POGLUT3: variants seen among roughly 807,000 people sequenced by gnomAD.
POGLUT3 encodes the protein protein O-glucosyltransferase 3, also known as KDEL (Lys-Asp-Glu-Leu) containing 2.
A neutral mutation model predicts 54.3 loss-of-function variants in POGLUT3; 48 were observed. That is an observed-to-expected ratio of 0.88 (90% CI 0.70 to 1.12). The LOEUF (loss-of-function observed/expected upper bound fraction) is 1.12, where lower values mean the gene tolerates loss of function less well. POGLUT3 is among the 50% of genes most tolerant of loss of function. POGLUT3 has a pLI of 0.00. For missense variants in POGLUT3, 629 were observed against 618.7 expected (o/e 1.02, Z -0.18); for synonymous variants, 218 against 237.4 (o/e 0.92, Z 0.75).
chr11:108,491,358 T>C, intron 1 of POGLUT3, 191 bp from the exon 2 acceptor site: 1 of 613,878 alleles, frequency 1.6e-6, no homozygotes, highest in Non-Finnish European at 2.8e-6. Flanking sequence ...TCTTTTTTTT[T>C]TTTTTTTCTT....
rs1199002428 is a variant in POGLUT3 at position 108,498,368 on chromosome 11, G to A, written c.-2C>T. 1 of 1,308,316 alleles carries A rather than the reference G, an allele frequency of 7.6e-7. No homozygotes were observed. Among genetic ancestry groups the A allele is most frequent in the Non-Finnish European group, 9.7e-7 (1 of 1,032,104 alleles). The allele number at this position is 1,308,316 out of a possible 1,614,324, so 81.0% of individuals were successfully genotyped here. On this transcript the variant is annotated 5_prime_UTR_variant, in exon 1 of 8. Transcript: ENST00000323468. ...CAGGGCCCGCGGGAGGCGGCGCATG[G>A]TCGGCGGGGCACAACTGCGGTCCAG...
At chr11:108,489,557 T>C (rs1040622166) in intron 2 of POGLUT3, among the ~76,000 whole-genome samples, 7 of 152,254 alleles carry the variant, frequency 4.6e-5, no homozygotes, top group African/African-American at 1.7e-4. Context: ...TGGAACCACA[T>C]CTTTAAAGTA....
Position 108,490,965 on chromosome 11 carries a change from C to T in POGLUT3, c.400+5G>A. On this transcript the variant is annotated splice_donor_5th_base_variant and intron_variant, in intron 2 of 7. Coordinates refer to ENST00000323468, the MANE Select transcript of POGLUT3 (RefSeq NM_153705.5). Reference sequence around the variant, plus strand: ...CTGACTCTGGAGTATATAATAATCACTTACCTTTCAAAATATAGGGAGACT... The same window carrying T: ...CTGACTCTGGAGTATATAATAATCATTTACCTTTCAAAATATAGGGAGACT... The T allele has an allele frequency of 1.2e-6, 2 of 1,611,570 alleles. No homozygotes were observed. Among genetic ancestry groups the T allele is most frequent in the Non-Finnish European group, 1.7e-6 (2 of 1,177,784 alleles).
chr11:108,493,730 GGA>G (rs10556296), intron 1 of POGLUT3, among the ~76,000 whole-genome samples: 7,760 of 150,940 alleles, frequency 0.051, 649 homozygotes, highest in African/African-American at 0.17. Context: ...CTTGAACCCA[GGA>G]GGCGGAGGTT....
chr11:108,483,560 G>C (rs921192436), intron 3 of POGLUT3, among the ~76,000 whole-genome samples: 3 of 152,116 alleles, frequency 2.0e-5, no homozygotes, highest in African/African-American at 4.8e-5. Context: ...CAGAGACTAG[G>C]ACTGAGTCTC....
At chr11:108,490,298 A>C (rs909482499) in intron 2 of POGLUT3, among the ~76,000 whole-genome samples, 5 of 151,488 alleles carry the variant, frequency 3.3e-5, no homozygotes, top group Non-Finnish European at 7.4e-5. Flanking sequence ...CCCGGGTTCA[A>C]GCGATTCTCC....
At position 108,498,230 on chromosome 11, in the gene POGLUT3, G is replaced by C. The variant is rs1339503044; in HGVS notation, c.137C>G (p.Pro46Arg). The change falls in exon 1 of 8, where the codon CCG becomes CGG. Residue 46 changes from proline (P) to arginine (R), a missense_variant. Transcript: ENST00000323468. ...CGCCTGCAGGTAGAAATAGCGGACC[G>C]GCAGGACGACGGCCGCCTGCAGCCC... ...GPGLQAAVVLPVRYFYLQAVN... is the reference protein window; with the variant it reads ...GPGLQAAVVLRVRYFYLQAVN... The C allele has an allele frequency of 2.6e-6, 4 of 1,514,844 alleles. No homozygotes were observed. Among genetic ancestry groups the C allele is most frequent in the Middle Eastern group, 1.7e-4 (1 of 5,774 alleles). The allele number at this position is 1,514,844 out of a possible 1,614,324, so 93.8% of individuals were successfully genotyped here.
intron 1 of POGLUT3, 59 bp from the exon 2 acceptor site, chr11:108,491,226 T>C: frequency 1.5e-6 from 2 of 1,348,434 alleles, no homozygotes; most frequent in Non-Finnish European, 2.1e-6. Flanking sequence ...TTACAATTAT[T>C]GGATAGGTGT....
At chr11:108,485,552 TA>T (rs1252290006) in intron 3 of POGLUT3, among the ~76,000 whole-genome samples, 27 of 152,192 alleles carry the variant, frequency 1.8e-4, no homozygotes, top group African/African-American at 6.3e-4. Context: ...AACCTTGTTA[TA>T]AATCTCTGGA....
chr11:108,481,031 G>A (rs2093591265), intron 5 of POGLUT3, 149 bp downstream of exon 5: 1 of 632,872 alleles, frequency 1.6e-6, no homozygotes. Context: ...ACCACAATGG[G>A]TTTTGTAATT....
chr11:108,474,635 C>CTGAA lies in POGLUT3; in HGVS notation c.*188_*191dup. 2.2e-6 allele frequency: 1 copy of CTGAA among 445,366 alleles called. No homozygotes were observed. The highest frequency in any genetic ancestry group is 2.0e-5 in the African/African-American group (1 of 49,556). 27.6% of individuals were successfully genotyped at this position (445,366 alleles called of 1,614,324 possible). On this transcript the variant is annotated 3_prime_UTR_variant, in exon 8 of 8. Coordinates refer to ENST00000323468, the MANE Select transcript of POGLUT3 (RefSeq NM_153705.5). ...TCCCAAATCTTAAAAAATCTGAAGC[C>CTGAA]TGAAACACTCCTGGTCCTAAGCATT...
intron 7 of POGLUT3, 103 bp downstream of exon 7, chr11:108,477,504 C>G (rs1173634685): frequency 1.4e-6 from 1 of 707,362 alleles, no homozygotes; most frequent in African/African-American, 1.8e-5. Flanking sequence ...GGTCCATAGG[C>G]TTGACTGTGA....
Position 108,491,463 on chromosome 11 carries a change from C to T in POGLUT3, c.203-296G>A, listed in dbSNP as rs555929659. The T allele has an allele frequency of 1.8e-5, 9 of 508,628 alleles. No individual in the cohort carries two copies. The East Asian group carries it at 2.0e-4, about 11-fold the overall frequency. 31.5% of individuals were successfully genotyped at this position (508,628 alleles called of 1,614,324 possible). ...CCAACCTCCTGGGCTCATGAACCTC[C>T]TGCCTCAACCTGCATCAGCCCCATG... On this transcript the variant is annotated intron_variant, in intron 1 of 7. Transcript: ENST00000323468.
At chr11:108,478,885 G>A (rs751751643) in intron 6 of POGLUT3, among the ~76,000 whole-genome samples, 7 of 152,136 alleles carry the variant, frequency 4.6e-5, no homozygotes, top group African/African-American at 1.7e-4. Flanking sequence ...TGATGCTTGC[G>A]TTGTATAACA....
chr11:108,496,482 T>C (rs2093622407), intron 1 of POGLUT3, among the ~76,000 whole-genome samples: 6 of 152,146 alleles, frequency 3.9e-5, no homozygotes, highest in Admixed American at 3.9e-4. Context: ...GCTGAATAAA[T>C]GTGAGAGATG....
intron 1 of POGLUT3, among the ~76,000 whole-genome samples, chr11:108,496,541 A>T (rs749143220): frequency 6.6e-6 from 1 of 152,228 alleles, no homozygotes; most frequent in Non-Finnish European, 1.5e-5. Flanking sequence ...CTTTAAAGAA[A>T]AAGTTTGTGA....
intron 2 of POGLUT3, among the ~76,000 whole-genome samples, chr11:108,488,623 T>C (rs976920193): frequency 6.6e-6 from 1 of 152,230 alleles, no homozygotes; most frequent in African/African-American, 2.4e-5. Flanking sequence ...TCTTCACATA[T>C]TGAGCAGAGC....
At chr11:108,492,144 G>A (rs953560419) in intron 1 of POGLUT3, among the ~76,000 whole-genome samples, 4 of 152,054 alleles carry the variant, frequency 2.6e-5, no homozygotes, top group Non-Finnish European at 5.9e-5. Context: ...GATTACTTCT[G>A]AGTCTGTTTC....
At chr11:108,496,882 CATTAA>C (rs1223700880) in intron 1 of POGLUT3, among the ~76,000 whole-genome samples, 1 of 152,234 alleles carries the variant, frequency 6.6e-6, no homozygotes, top group Non-Finnish European at 1.5e-5. Context: ...CGCTCAGTAT[CATTAA>C]ATTACAGTAC....
Sources: gnomAD v4.1 joint callset for allele counts (sites outside exome capture counted in the v4.1 genomes callset) on GRCh38, gnomAD v4.1.1 for gene constraint, MANE v1.5 for transcripts, NCBI Gene and HGNC (gene_info 2026-07-23, HGNC 2026-07-21) for gene names.